The following PRKCH variants were observed in gnomAD, a reference collection of about 807,000 sequenced individuals.
PRKCH encodes the protein protein kinase C eta type.
PRKCH carries 28 observed loss-of-function variants against 82.5 expected under a neutral mutation model. That is an observed-to-expected ratio of 0.34 (90% confidence interval 0.25 to 0.47). The LOEUF (loss-of-function observed/expected upper bound fraction) is 0.47, where lower values mean the gene tolerates loss of function less well. PRKCH is among the 20% of genes least tolerant of loss of function. The pLI is 1.00. For missense variants in PRKCH, 705 were observed against 881.8 expected, an observed-to-expected ratio of 0.80 and a Z score of 2.54; for synonymous variants, 322 against 327.4, an observed-to-expected ratio of 0.98 and a Z score of 0.18.
chr14:61,302,379 G>T (rs1190267374), intron 1 of PRKCH, among the ~76,000 whole-genome samples: 1 of 152,154 alleles, frequency 6.6e-6, no homozygotes, highest in Admixed American at 6.5e-5. Context: ...CCTGGGTCCG[G>T]GTTGGGGGAA....
intron 1 of PRKCH, chr14:61,281,162 G>C: frequency 1.5e-6 from 2 of 1,313,108 alleles, no homozygotes; most frequent in Middle Eastern, 2.8e-4. Context: ...GCCGCGCGGG[G>C]ACCGACGCGC....
At chr14:61,342,901 A>G (rs2045945895) in intron 1 of PRKCH, among the ~76,000 whole-genome samples, 1 of 152,228 alleles carries the variant, frequency 6.6e-6, no homozygotes, top group African/African-American at 2.4e-5. Flanking sequence ...AGACAATGCC[A>G]TGTAGAAGCT....
intron 1 of PRKCH, chr14:61,281,063 G>T (rs1594889273): frequency 6.6e-7 from 1 of 1,520,628 alleles, no homozygotes. Flanking sequence ...GCCGACAGCA[G>T]CGGCTGCCAG....
intron 2 of PRKCH, among the ~76,000 whole-genome samples, chr14:61,402,523 G>A (rs56237529): frequency 0.5 from 76,376 of 152,114 alleles, 21,569 homozygotes; most frequent in Non-Finnish European, 0.63. Flanking sequence ...CAGGCTGGGC[G>A]CAGTGGCTCA....
chr14:61,241,892 G>A (rs188315107), intron 1 of PRKCH, among the ~76,000 whole-genome samples: 22 of 152,284 alleles, frequency 1.4e-4, no homozygotes, highest in South Asian at 2.1e-4. Flanking sequence ...GGGATAAACC[G>A]TGTTAGGCAC....
intron 10 of PRKCH, among the ~76,000 whole-genome samples, chr14:61,495,630 G>A (rs1265797753): frequency 6.6e-6 from 1 of 152,186 alleles, no homozygotes; most frequent in Non-Finnish European, 1.5e-5. Context: ...ATAAAGACAG[G>A]TCCTGCCCTC....
At chr14:61,376,187 GT>G (rs2046426367) in intron 1 of PRKCH, among the ~76,000 whole-genome samples, 1 of 152,074 alleles carries the variant, frequency 6.6e-6, no homozygotes, top group Non-Finnish European at 1.5e-5. Context: ...TACTCAGAAG[GT>G]GGTTGTGAAG....
At chr14:61,497,919 G>T (rs1175796028) in intron 10 of PRKCH, among the ~76,000 whole-genome samples, 1 of 152,160 alleles carries the variant, frequency 6.6e-6, no homozygotes, top group Admixed American at 6.5e-5. Context: ...GTTGTTGTCT[G>T]AGGTAATATA....
intron 2 of PRKCH, among the ~76,000 whole-genome samples, chr14:61,420,199 A>G (rs986518323): frequency 2.6e-5 from 4 of 151,818 alleles, no homozygotes; most frequent in Admixed American, 2.6e-4. Flanking sequence ...GTGTGCGTGT[A>G]TGTGTGTGAC....
At chr14:61,381,578 CG>C (rs1304717357) in intron 1 of PRKCH, among the ~76,000 whole-genome samples, 1 of 152,240 alleles carries the variant, frequency 6.6e-6, no homozygotes, top group Admixed American at 6.5e-5. Context: ...GATGCTGACT[CG>C]GACTCTCCAG....
Position 61,329,260 on chromosome 14 carries a change from A to G in PRKCH, c.363+6796A>G, listed in dbSNP as rs985948200. Among the ~76,000 whole-genome samples, 5 of 2,994 alleles carry G rather than the reference A, an allele frequency of 1.7e-3. No homozygotes were observed. In the Non-Finnish European group the frequency reaches 0.034, roughly 20 times the overall value. 2.0% of individuals were successfully genotyped at this position (2,994 alleles called of 152,430 possible). On this transcript the variant is annotated intron_variant, in intron 1 of 13. Coordinates refer to ENST00000332981, the MANE Select transcript of PRKCH (RefSeq NM_006255.5). ...TTTTTTTTTTTTTTTTTTTTGAGAC[A>G]GAATCTCTCTCTGTTGCCCAGGCTG...
In PRKCH at chr14:61,343,048, C is replaced by T. The variant is rs75588580; in HGVS notation, c.363+20584C>T. On this transcript the variant is annotated intron_variant, in intron 1 of 13. Transcript: ENST00000332981. ...TCTGAAAGAGGTGGTTTTACCAATT[C>T]GTCTCACACAGACTTCTTGCCTTTA... 3.2e-4 allele frequency among the ~76,000 whole-genome samples: 49 copies of T among 152,266 alleles called. 1 individual carries two copies. In the East Asian group the frequency reaches 6.4e-3, roughly 20 times the overall value.
rs992995085 is a variant in PRKCH, at chr14:61,429,770, T to C, written c.428-13341T>C. Among the ~76,000 whole-genome samples the C allele has an allele frequency of 4.6e-5, 7 of 152,132 alleles. No homozygotes were observed. In the South Asian group the frequency reaches 1.3e-3, roughly 27 times the overall value. ...AAACAATGTAATTTGAATTATCTTA[T>C]TAAAATTTTAAAATATTAAAATTTA... is the stretch of plus-strand genomic sequence containing the variant. On this transcript the variant is annotated intron_variant, in intron 2 of 13. Coordinates refer to ENST00000332981, the MANE Select transcript of PRKCH (RefSeq NM_006255.5).
At position 61,367,773 on chromosome 14, in the gene PRKCH, G is replaced by A. The variant is rs575526210; in HGVS notation, c.364-23452G>A. 1.4e-4 allele frequency among the ~76,000 whole-genome samples: 21 copies of A among 150,070 alleles called. 1 individual carries two copies. Among genetic ancestry groups the A allele is most frequent in the Admixed American group, 1.3e-4 (2 of 15,112 alleles). On this transcript the variant is annotated intron_variant, in intron 1 of 13. Coordinates refer to ENST00000332981, the MANE Select transcript of PRKCH (RefSeq NM_006255.5). ...TCTTTCACCCAGGCTGGAGTGCAGT[G>A]GCGCAATCTCGGCTCACTGCAAGCT...
chr14:61,514,821 A>G (rs2042799770), intron 10 of PRKCH, among the ~76,000 whole-genome samples: 1 of 152,222 alleles, frequency 6.6e-6, no homozygotes, highest in Non-Finnish European at 1.5e-5. Context: ...TTTTAGGTGG[A>G]GAAATAAGTC....
intron 2 of PRKCH, among the ~76,000 whole-genome samples, chr14:61,426,753 C>T (rs971251975): frequency 6.6e-6 from 1 of 152,190 alleles, no homozygotes; most frequent in Non-Finnish European, 1.5e-5. Flanking sequence ...TATAAAGTGC[C>T]TTGTCCTTGT....
intron 1 of PRKCH, among the ~76,000 whole-genome samples, chr14:61,260,215 A>G (rs2045034494): frequency 2.0e-5 from 3 of 152,248 alleles, no homozygotes; most frequent in Admixed American, 2.0e-4. Context: ...CTTCTGAAAT[A>G]TTAGAATGTT....
chr14:61,329,704 A>G (rs1053330713), intron 1 of PRKCH, among the ~76,000 whole-genome samples: 2 of 152,292 alleles, frequency 1.3e-5, no homozygotes, highest in African/African-American at 2.4e-5. Context: ...AGGTCTCATT[A>G]TGGGCATTAA....
At chr14:61,502,360 C>T (rs1434104951) in intron 10 of PRKCH, among the ~76,000 whole-genome samples, 1 of 152,066 alleles carries the variant, frequency 6.6e-6, no homozygotes, top group African/African-American at 2.4e-5. Context: ...CATGCCCATT[C>T]AATCTTTTCT....
Sources: allele counts gnomAD v4.1 joint callset (sites outside exome capture counted in the v4.1 genomes callset), GRCh38; gene constraint gnomAD v4.1.1; transcripts MANE v1.5; gene names NCBI Gene and HGNC (gene_info 2026-07-23, HGNC 2026-07-21).